EGFLAM: variants seen among roughly 807,000 people sequenced by gnomAD.
EGFLAM encodes the protein EGF like, fibronectin type III and laminin G domains.
A neutral mutation model predicts 113.1 loss-of-function variants in EGFLAM; 79 were observed. The ratio of observed to expected loss-of-function variants is 0.70; its 90% CI spans 0.58 to 0.84. EGFLAM has a LOEUF of 0.84. EGFLAM is among the 40% of genes least tolerant of loss of function. EGFLAM has a pLI of 0.00. For synonymous variants in EGFLAM, 504 were observed against 487.6 expected (o/e 1.03, Z -0.44); for missense variants, 1,265 against 1,291.6 (o/e 0.98, Z 0.32).
chr5:38,417,955 A>C, intron 11 of EGFLAM, 111 bp from the exon 12 acceptor site: 1 of 1,103,844 alleles, frequency 9.1e-7, no homozygotes, highest in East Asian at 2.4e-5. Context: ...ATGGAAGAAA[A>C]TGCTGGGGCT....
chr5:38,307,768 C>T (rs1367343790), intron 1 of EGFLAM, among the ~76,000 whole-genome samples: 3 of 152,212 alleles, frequency 2.0e-5, no homozygotes, highest in Non-Finnish European at 2.9e-5. Flanking sequence ...TAAAGAAATA[C>T]TGGAAACTGC....
At chr5:38,392,857 C>T (rs373715080) in intron 6 of EGFLAM, among the ~76,000 whole-genome samples, 7 of 152,200 alleles carry the variant, frequency 4.6e-5, no homozygotes, top group East Asian at 3.9e-4. Context: ...CGACAGGCCC[C>T]GGTGTGTGAT....
intron 1 of EGFLAM, among the ~76,000 whole-genome samples, chr5:38,320,617 T>C (rs373543963): frequency 1.3e-5 from 2 of 152,164 alleles, no homozygotes; most frequent in Non-Finnish European, 2.9e-5. Context: ...TGTGTGCATA[T>C]GCTTACGTGT....
chr5:38,343,797 C>T (rs1028829525), intron 3 of EGFLAM, among the ~76,000 whole-genome samples: 2 of 152,186 alleles, frequency 1.3e-5, no homozygotes, highest in South Asian at 2.1e-4. Context: ...TTGACTTGTG[C>T]GGTCAACTGT....
chr5:38,345,658 C>T (rs941105587), intron 3 of EGFLAM: 7 of 152,290 alleles, frequency 4.6e-5, no homozygotes, highest in Non-Finnish European at 7.3e-5. Flanking sequence ...GCAATTCCCA[C>T]GACTCTGTTT....
At chr5:38,344,798 T>A (rs750095027) in intron 3 of EGFLAM, among the ~76,000 whole-genome samples, 30 of 152,026 alleles carry the variant, frequency 2.0e-4, no homozygotes, top group Non-Finnish European at 3.7e-4. Context: ...AGCCAATAGA[T>A]GAGGAAAAGA....
intron 6 of EGFLAM, among the ~76,000 whole-genome samples, chr5:38,383,443 A>G (rs1330498450): frequency 6.6e-6 from 1 of 151,566 alleles, no homozygotes; most frequent in African/African-American, 2.4e-5. Context: ...ATTACCCCTG[A>G]AAACTGTTTG....
chr5:38,368,804 A>G (rs1012041493), intron 5 of EGFLAM, among the ~76,000 whole-genome samples: 3 of 151,962 alleles, frequency 2.0e-5, no homozygotes, highest in Non-Finnish European at 4.4e-5. Context: ...TTTATCAGCT[A>G]TGTGACCTTG....
At chr5:38,462,616 T>A (rs1743320387) in intron 20 of EGFLAM, 1 of 313,550 alleles carries the variant, frequency 3.2e-6, no homozygotes, top group Admixed American at 4.3e-5. Flanking sequence ...CTCTCTAGTC[T>A]AAGTTAGGCG....
At chr5:38,411,484 T>TTTTTA (rs1491179236) in intron 10 of EGFLAM, among the ~76,000 whole-genome samples, 1 of 67,094 alleles carries the variant, frequency 1.5e-5, no homozygotes, top group Non-Finnish European at 2.5e-5. Flanking sequence ...CATTAATTTC[T>TTTTTA]TTTTTTTTTT....
rs544770533 is a variant in EGFLAM, at chr5:38,464,843, G to C, written c.*857G>C. ...AGGTAACTTGGGTGGGCAACTTGGG[G>C]AGCTGACCATTCTCTTTTGGTAAAT... On this transcript the variant is annotated 3_prime_UTR_variant, in exon 22 of 22. Coordinates refer to ENST00000322350, the MANE Select transcript of EGFLAM (RefSeq NM_152403.4). 1.3e-5 allele frequency: 2 copies of C among 152,270 alleles called. No homozygotes were observed. The highest frequency in any genetic ancestry group is 3.9e-4 in the East Asian group (2 of 5,182). The allele number at this position is 152,270 out of a possible 1,614,324, so 9.4% of individuals were successfully genotyped here.
At chr5:38,337,749 C>A in intron 2 of EGFLAM, 120 bp downstream of exon 2, 1 of 816,094 alleles carries the variant, frequency 1.2e-6, no homozygotes, top group Non-Finnish European at 1.9e-6. Flanking sequence ...ATTCTCCCTC[C>A]ATAAAGCTAG....
chr5:38,356,447 C>T (rs911005491), intron 5 of EGFLAM, among the ~76,000 whole-genome samples: 2 of 152,194 alleles, frequency 1.3e-5, no homozygotes, highest in Non-Finnish European at 2.9e-5. Context: ...CACCATTTCC[C>T]TTTCACAAAA....
At chr5:38,390,985 G>A (rs557385312) in intron 6 of EGFLAM, among the ~76,000 whole-genome samples, 120 of 152,202 alleles carry the variant, frequency 7.9e-4, no homozygotes, top group Middle Eastern at 3.4e-3. Flanking sequence ...TTAGGAAGAA[G>A]TGTTTTAATT....
intron 1 of EGFLAM, among the ~76,000 whole-genome samples, chr5:38,296,943 A>T (rs1213402858): frequency 6.6e-6 from 1 of 152,114 alleles, no homozygotes; most frequent in East Asian, 1.9e-4. Flanking sequence ...TGTGAAAAAA[A>T]ATTACAAACC....
At chr5:38,437,776 C>A (rs1324487753) in intron 16 of EGFLAM, among the ~76,000 whole-genome samples, 1 of 152,102 alleles carries the variant, frequency 6.6e-6, no homozygotes, top group African/African-American at 2.4e-5. Flanking sequence ...CAGATTCTCC[C>A]AAGTGGATCA....
intron 5 of EGFLAM, among the ~76,000 whole-genome samples, chr5:38,363,681 C>A (rs752106): frequency 2.0e-5 from 3 of 151,930 alleles, no homozygotes. Flanking sequence ...TTTGATGATC[C>A]TTTTCAATAT....
intron 1 of EGFLAM, among the ~76,000 whole-genome samples, chr5:38,331,439 T>C (rs954254542): frequency 2.6e-5 from 4 of 152,182 alleles, no homozygotes; most frequent in Non-Finnish European, 4.4e-5. Context: ...ACCACTGGTC[T>C]TTTTTACTGT....
chr5:38,441,166 T>G (rs1742519930), intron 17 of EGFLAM, among the ~76,000 whole-genome samples: 1 of 152,184 alleles, frequency 6.6e-6, no homozygotes, highest in African/African-American at 2.4e-5. Context: ...ACAGGCTTCC[T>G]GTAGCAGTGG....
Sources: allele counts gnomAD v4.1 joint callset (sites outside exome capture counted in the v4.1 genomes callset), GRCh38; gene constraint gnomAD v4.1.1; transcripts MANE v1.5; gene names NCBI Gene and HGNC (gene_info 2026-07-23, HGNC 2026-07-21).